Variants in GAD1 observed in about 807,000 individuals in gnomAD.
The protein encoded by GAD1 is 67 kDa glutamic acid decarboxylase.
Under a neutral mutation model 75.2 loss-of-function variants are expected in GAD1, and 35 were observed. That is an observed-to-expected ratio of 0.47 (90% CI 0.36 to 0.62). The LOEUF is 0.62. Ranked by LOEUF, GAD1 falls within the 20% of genes least tolerant of loss-of-function variation. The pLI is 0.00. For missense variants in GAD1, 490 were observed against 758.5 expected (o/e 0.65, Z 4.16); for synonymous variants, 257 against 271.9 (o/e 0.95, Z 0.54).
upstream of GAD1, chr2:170,816,877 C>T (rs1005080664): frequency 1.4e-4 from 23 of 161,962 alleles, no homozygotes; most frequent in East Asian, 2.8e-3. Flanking sequence ...AGCCGCCTCT[C>T]CGAATCTCTC....
At chr2:170,820,081 G>C (rs1164708216) in intron 2 of GAD1, among the ~76,000 whole-genome samples, 1 of 152,236 alleles carries the variant, frequency 6.6e-6, no homozygotes, top group Non-Finnish European at 1.5e-5. Context: ...GGAGGAACGC[G>C]AGGCCTGCGC....
At chr2:170,842,590 T>A (rs1702541418) in intron 6 of GAD1, 3 of 1,613,922 alleles carry the variant, frequency 1.9e-6, no homozygotes, top group Middle Eastern at 1.6e-4. Context: ...TGAGGGAGTG[T>A]TGGTTGCTAC....
chr2:170,839,231 A>T (rs1049733192), intron 6 of GAD1, among the ~76,000 whole-genome samples: 1 of 152,240 alleles, frequency 6.6e-6, no homozygotes, highest in African/African-American at 2.4e-5. Flanking sequence ...ATAGAAAATA[A>T]GAACTATATT....
chr2:170,853,914 C>T lies in GAD1; in HGVS notation c.1305C>T (p.Leu435=), dbSNP rs1025362186. The change falls in exon 14 of 17, where the codon CTC becomes CTT. Residue 435 remains leucine (L), a synonymous_variant. Coordinates refer to ENST00000358196, the MANE Select transcript of GAD1 (RefSeq NM_000817.3). The surrounding 1 kb of genome is among the most constrained non-coding windows in gnomAD (Gnocchi z 4.1). ...GCAACCAGATGTGTGCAGGATACCTCTTCCAGCCAGACAAGCAGTATGATG... is the reference window on the plus strand; with the variant it reads ...GCAACCAGATGTGTGCAGGATACCTTTTCCAGCCAGACAAGCAGTATGATG... ...QGCNQMCAGY[L]FQPDKQYDVS... 8 of 1,614,038 alleles carry T rather than the reference C, an allele frequency of 5.0e-6. No individual in the cohort carries two copies. The highest frequency in any genetic ancestry group is 6.8e-6 in the Non-Finnish European group (8 of 1,180,020).
At chr2:170,822,041 G>A (rs1412469897) in intron 2 of GAD1, 46 bp from the exon 3 acceptor site, 1 of 1,531,674 alleles carries the variant, frequency 6.5e-7, no homozygotes, top group South Asian at 1.2e-5. Context: ...TTTCCCCGCG[G>A]TCGGAACCTC....
At chr2:170,835,056 G>A (rs1249572821) in intron 5 of GAD1, among the ~76,000 whole-genome samples, 1 of 152,130 alleles carries the variant, frequency 6.6e-6, no homozygotes, top group Non-Finnish European at 1.5e-5. Flanking sequence ...GCAGGCATGA[G>A]CCACCGTGCC....
chr2:170,819,168 A>T (rs1389491810), intron 2 of GAD1, among the ~76,000 whole-genome samples: 1 of 152,148 alleles, frequency 6.6e-6, no homozygotes, highest in Non-Finnish European at 1.5e-5. Context: ...AGAAAACTCA[A>T]GGTCCCTAAT....
chr2:170,828,056 CT>C (rs1355757613), intron 3 of GAD1, among the ~76,000 whole-genome samples: 1,469 of 30,834 alleles, frequency 0.048, 66 homozygotes, highest in East Asian at 0.21. Flanking sequence ...CTCACCCCTC[CT>C]CCTTCTGCTG....
intron 12 of GAD1, among the ~76,000 whole-genome samples, chr2:170,852,047 G>A (rs1308837676): frequency 6.6e-6 from 1 of 152,140 alleles, no homozygotes; most frequent in Non-Finnish European, 1.5e-5. Flanking sequence ...GTGTCTCCTA[G>A]AGAGAAGCAG....
In GAD1 at chr2:170,830,960, G is replaced by A. The variant is rs112067895; in HGVS notation, c.315G>A (p.Pro105=). The A allele has an allele frequency of 1.9e-5, 31 of 1,614,014 alleles. No individual in the cohort carries two copies. In the African/African-American group the frequency reaches 2.1e-4, roughly 11 times the overall value. ...FSNLFARDLL[P]AKNGEEQTVQ... is the part of the protein sequence containing the mutation. ...CTCTCCCCAATTCAGATCTGCTTCC[G>A]GCTAAGAACGGTGAGGAGCAAACCG... Residue 105 remains proline, a synonymous_variant, in exon 5 of 17, where the codon CCG becomes CCA. Transcript: ENST00000358196.
rs1050742800 is a variant in GAD1, at chr2:170,824,949, T to TGTGTGTGTGC, written c.145+2802_145+2803insGTGTGTGCGT. Among the ~76,000 whole-genome samples, 5 of 151,824 alleles carry TGTGTGTGTGC rather than the reference T, an allele frequency of 3.3e-5. No individual in the cohort carries two copies. In the South Asian group the frequency reaches 1.0e-3, roughly 32 times the overall value. ...ACACTCGTGTGTGTGTGTGTGTGTG[T>TGTGTGTGTGC]GTATGTATGTGTGTGTAATTTTGTA... On this transcript the variant is annotated intron_variant, in intron 3 of 16. Coordinates refer to ENST00000358196, the MANE Select transcript of GAD1 (RefSeq NM_000817.3).
upstream of GAD1, among the ~76,000 whole-genome samples, chr2:170,815,701 G>A (rs560473413): frequency 6.6e-6 from 1 of 152,302 alleles, no homozygotes; most frequent in East Asian, 1.9e-4. Flanking sequence ...GACACGCACA[G>A]ACATCAACAT....
Position 170,847,804 on chromosome 2 carries a change from A to T in GAD1, c.1119+12A>T, listed in dbSNP as rs1702664948. 6.4e-7 allele frequency: 1 copy of T among 1,574,090 alleles called. No homozygotes were observed. Among genetic ancestry groups the T allele is most frequent in the Non-Finnish European group, 8.7e-7 (1 of 1,143,462 alleles). ...GGTTGCATGTCGATGTAAGTGCTAT[A>T]TAACTCAGGCCAGTCCATGTGGGGG... On this transcript the variant is annotated intron_variant, in intron 11 of 16. Coordinates refer to ENST00000358196, the MANE Select transcript of GAD1 (RefSeq NM_000817.3).
chr2:170,816,324 T>A (rs1388267499), upstream of GAD1: 1 of 152,286 alleles, frequency 6.6e-6, no homozygotes, highest in Non-Finnish European at 1.5e-5. Flanking sequence ...CTAAGAGGTC[T>A]CCCCTCATTT....
chr2:170,835,298 C>T (rs1380574827), intron 5 of GAD1, among the ~76,000 whole-genome samples: 1 of 152,090 alleles, frequency 6.6e-6, no homozygotes, highest in Non-Finnish European at 1.5e-5. Flanking sequence ...AGAGATCTCC[C>T]CCTCCAACTC....
At chr2:170,839,690 A>G (rs1702461580) in intron 6 of GAD1, among the ~76,000 whole-genome samples, 1 of 151,962 alleles carries the variant, frequency 6.6e-6, no homozygotes, top group Non-Finnish European at 1.5e-5. Context: ...TTCTTCTTCT[A>G]AGCAACGACC....
intron 3 of GAD1, among the ~76,000 whole-genome samples, chr2:170,825,422 C>T (rs1250208364): frequency 6.6e-6 from 1 of 152,162 alleles, no homozygotes; most frequent in Non-Finnish European, 1.5e-5. Flanking sequence ...TGAAAAAGAG[C>T]CCCTCCGTCT....
At chr2:170,844,316 T>G (rs1034811383) in intron 7 of GAD1, among the ~76,000 whole-genome samples, 159 bp downstream of exon 7, 3 of 152,140 alleles carry the variant, frequency 2.0e-5, no homozygotes, top group Admixed American at 1.3e-4. Flanking sequence ...ACATTCTATA[T>G]GAATTAACTA....
intron 3 of GAD1, among the ~76,000 whole-genome samples, chr2:170,826,339 G>A (rs1266988373): frequency 6.6e-6 from 1 of 152,016 alleles, no homozygotes; most frequent in Non-Finnish European, 1.5e-5. Flanking sequence ...GGCCGAGACA[G>A]GTGGATCACC....
Sources: allele counts gnomAD v4.1 joint callset (sites outside exome capture counted in the v4.1 genomes callset), GRCh38; gene constraint gnomAD v4.1.1; non-coding constraint Gnocchi (gnomAD v3.1); transcripts MANE v1.5; gene names NCBI Gene and HGNC (gene_info 2026-07-23, HGNC 2026-07-21).